NUP214: variants seen among roughly 807,000 people sequenced by gnomAD.
NUP214 encodes nuclear pore complex protein Nup214.
NUP214 carries 79 observed loss-of-function variants against 196.2 expected under a neutral mutation model. The observed-to-expected ratio is 0.40, with a 90% CI of 0.34 to 0.49. The LOEUF is 0.49. Ranked by LOEUF, NUP214 falls within the 20% of genes least tolerant of loss-of-function variation. The pLI is 0.58. For missense variants in NUP214, 2,468 were observed against 2,539.0 expected, an observed-to-expected ratio of 0.97 and a Z score of 0.60; for synonymous variants, 1,020 against 990.5, an observed-to-expected ratio of 1.03 and a Z score of -0.56.
At chr9:131,130,724 TC>T (rs774212317) in intron 4 of NUP214, 41 bp from the exon 5 acceptor site, 3 of 1,563,582 alleles carry the variant, frequency 1.9e-6, no homozygotes, top group Non-Finnish European at 2.6e-6. Context: ...ATTGGTTTGC[TC>T]CATTTTCTTG....
chr9:131,159,423 A>G lies in NUP214; in HGVS notation c.2477A>G (p.Gln826Arg), dbSNP rs1334913985. 2 of 1,614,172 alleles carry G rather than the reference A, an allele frequency of 1.2e-6. No homozygotes were observed. The highest frequency in any genetic ancestry group is 8.5e-7 in the Non-Finnish European group (1 of 1,180,028). The change falls in exon 18 of 36, where the codon CAA (glutamine) becomes CGA (arginine). Residue 826 changes from glutamine (Q) to arginine (R), a missense_variant. This residue lies in a region of NUP214 where 1,801 missense variants were observed against 1,779.4 expected (regional missense o/e 1.01). Transcript: ENST00000359428. ...RLHQYVKFAV[Q>R]DVNDVLDLEW... ...CATCAGTATGTGAAATTTGCTGTCC[A>G]AGATGTGAATGATGTTCTAGACTTG...
At position 131,162,931 on chromosome 9, in the gene NUP214, C is replaced by A. The variant is rs1354708628; in HGVS notation, c.2541-60C>A. On this transcript the variant is annotated intron_variant, in intron 18 of 35. Transcript: ENST00000359428. ...CATTGTAGTCTTGTTTGTTTTTTTA[C>A]TGGGAGATTCCTTTACTTGAACCAT... 4.6e-6 allele frequency: 7 copies of A among 1,535,102 alleles called. No individual in the cohort carries two copies. The South Asian group carries it at 8.0e-5, about 18-fold the overall frequency.
intron 4 of NUP214, 84 bp downstream of exon 4, chr9:131,129,561 CT>C: frequency 7.4e-7 from 1 of 1,360,370 alleles, no homozygotes; most frequent in Non-Finnish European, 1.0e-6. Flanking sequence ...AAGTGGATAG[CT>C]TTTTGTGTTT....
rs746491861 is a variant in NUP214 at position 131,198,782 on chromosome 9, C to T, written c.5288C>T (p.Thr1763Ile). Residue 1763 changes from threonine to isoleucine, a missense_variant, in exon 29 of 36, where the codon ACT becomes ATT. This residue lies in a region of NUP214 where 1,801 missense variants were observed against 1,779.4 expected (regional missense o/e 1.01). Transcript: ENST00000359428. ...GCCTTCGGTCAGCCTGCTTCCTCCACTCCCACATCCACCAGTGGAAGTGTC... is the reference window on the plus strand; with the variant it reads ...GCCTTCGGTCAGCCTGCTTCCTCCATTCCCACATCCACCAGTGGAAGTGTC... ...VPAFGQPASS[T>I]PTSTSGSVFG... The T allele has an allele frequency of 6.2e-7, 1 of 1,614,254 alleles. No homozygotes were observed. The highest frequency in any genetic ancestry group is 8.5e-7 in the Non-Finnish European group (1 of 1,180,040).
At chr9:131,139,255 C>CTTTTTTTTTTTTTTTTTTTTTTTTTT (rs200377608) in intron 9 of NUP214, 26 bp from the exon 10 acceptor site, 3 of 1,093,094 alleles carry the variant, frequency 2.7e-6, no homozygotes, top group African/African-American at 2.1e-5. Context: ...TCTTCTTCTT[C>CTTTTTTTTTTTTTTTTTTTTTTTTTT]TTTTTTTTTT....
At chr9:131,172,800 A>G (rs1832996518) in intron 21 of NUP214, among the ~76,000 whole-genome samples, 1 of 152,240 alleles carries the variant, frequency 6.6e-6, no homozygotes, top group African/African-American at 2.4e-5. Context: ...CATTATGACA[A>G]TAAAATCTTG....
chr9:131,219,256 T>A (rs947939314), intron 31 of NUP214, among the ~76,000 whole-genome samples: 4 of 152,238 alleles, frequency 2.6e-5, no homozygotes, highest in Non-Finnish European at 5.9e-5. Flanking sequence ...AGCTACTAAG[T>A]GGCGTAGCCA....
At chr9:131,219,491 A>G (rs1267942762) in intron 31 of NUP214, among the ~76,000 whole-genome samples, 1 of 152,216 alleles carries the variant, frequency 6.6e-6, no homozygotes, top group African/African-American at 2.4e-5. Context: ...GCAAAAGACA[A>G]GCTGAGAACA....
chr9:131,151,737 C>T lies in NUP214; in HGVS notation c.2279C>T (p.Ser760Leu), dbSNP rs777167878. The T allele has an allele frequency of 4.4e-6, 7 of 1,595,984 alleles. No homozygotes were observed. Among genetic ancestry groups the T allele is most frequent in the Admixed American group, 1.8e-5 (1 of 54,696 alleles). ...FLLEIKETTE[S>L]LHGDISSLKT... ...AACACATTATTGTACTTTTTCTAGT[C>T]GCTTCATGGAGATATAAGTAGCCTG... The change falls in exon 17 of 36, where the codon TCG becomes TTG. Residue 760 changes from serine to leucine, a missense_variant and splice_region_variant. Physicochemically the swap from Ser to Leu is moderately radical, Grantham distance 145. Coordinates refer to ENST00000359428, the MANE Select transcript of NUP214 (RefSeq NM_005085.4).
intron 24 of NUP214, 121 bp from the exon 25 acceptor site, chr9:131,187,168 C>A: frequency 1.3e-6 from 1 of 741,838 alleles, no homozygotes; most frequent in Non-Finnish European, 2.3e-6. Context: ...ATTGGGGTCC[C>A]ATGCATCTGT....
intron 19 of NUP214, 37 bp downstream of exon 19, chr9:131,163,210 A>AT (rs781036384): frequency 1.3e-6 from 2 of 1,565,084 alleles, no homozygotes; most frequent in South Asian, 2.4e-5. Flanking sequence ...ATATGGGTGA[A>AT]TGAATGCATG....
chr9:131,199,933 GAC>G lies in NUP214; in HGVS notation c.5521+920_5521+921del, dbSNP rs75588422. 9.2e-3 allele frequency among the ~76,000 whole-genome samples: 1,408 copies of G among 152,290 alleles called. 51 individuals are homozygous for G. The East Asian group carries it at 0.11, about 12-fold the overall frequency. ...AGCTATAAGGACACGGTGTTGAAAA[GAC>G]AGATATGGTTTTGAGACCTACCCAA... is the stretch of plus-strand genomic sequence containing the variant. On this transcript the variant is annotated intron_variant, in intron 29 of 35. Transcript: ENST00000359428.
intron 9 of NUP214, among the ~76,000 whole-genome samples, chr9:131,137,552 CTTT>C (rs11338707): frequency 3.4e-5 from 3 of 88,708 alleles, no homozygotes; most frequent in African/African-American, 1.4e-4. Context: ...CTGGTGGTAT[CTTT>C]TTTTTTTTTT....
At position 131,234,235 on chromosome 9, in the gene NUP214, G is replaced by A; in HGVS notation, c.*748G>A. ...AGACAGCCTTTATATTCTGTATGTG[G>A]CAGTGACATTGGTAGCCACACCTAC... is the stretch of plus-strand genomic sequence containing the variant. On this transcript the variant is annotated 3_prime_UTR_variant, in exon 36 of 36. Coordinates refer to ENST00000359428, the MANE Select transcript of NUP214 (RefSeq NM_005085.4). 1 of 232,764 alleles carries A rather than the reference G, an allele frequency of 4.3e-6. No homozygotes were observed. The highest frequency in any genetic ancestry group is 5.6e-5 in the Admixed American group (1 of 17,774). The allele number at this position is 232,764 out of a possible 1,614,324, so 14.4% of individuals were successfully genotyped here.
chr9:131,151,004 A>G (rs1832242901), intron 16 of NUP214, among the ~76,000 whole-genome samples: 1 of 152,158 alleles, frequency 6.6e-6, no homozygotes, highest in African/African-American at 2.4e-5. Context: ...TCTCATCATA[A>G]GATGGACTAA....
Position 131,159,477 on chromosome 9 carries a change from A to G in NUP214, c.2531A>G (p.Lys844Arg). ...LEWDQHLEQK[K>R]KQRHLLVPER... ...TGGGATCAGCATCTGGAACAAAAGAAAAAACAAAGGTGAATGAGATCTCTC... is the reference window on the plus strand; with the variant it reads ...TGGGATCAGCATCTGGAACAAAAGAGAAAACAAAGGTGAATGAGATCTCTC... The change falls in exon 18 of 36, where the codon AAA (lysine) becomes AGA (arginine). Residue 844 changes from lysine (K) to arginine (R), a missense_variant. Transcript: ENST00000359428. The G allele has an allele frequency of 6.2e-7, 1 of 1,611,524 alleles. No individual in the cohort carries two copies.
chr9:131,171,756 A>G (rs1280097075), intron 21 of NUP214, among the ~76,000 whole-genome samples: 5 of 151,438 alleles, frequency 3.3e-5, no homozygotes, highest in Non-Finnish European at 5.9e-5. Flanking sequence ...TCCTGTGTCC[A>G]TGTGTTCTCA....
chr9:131,197,539 A>G lies in NUP214; in HGVS notation c.4045A>G (p.Thr1349Ala), dbSNP rs370676257. Residue 1349 changes from threonine to alanine, a missense_variant, in exon 29 of 36, where the codon ACC becomes GCC. Thr to Ala is a moderately conservative substitution (Grantham distance 58). This residue lies in a region of NUP214 where 1,801 missense variants were observed against 1,779.4 expected (regional missense o/e 1.01). Transcript: ENST00000359428. ...VGQADDSTKP[T>A]NKASSTSLTS... ...CCAAGCAGATGATTCTACAAAACCA[A>G]CCAATAAGGCTTCATCCACAAGCCT... 3 of 1,614,112 alleles carry G rather than the reference A, an allele frequency of 1.9e-6. No homozygotes were observed. Among genetic ancestry groups the G allele is most frequent in the South Asian group, 2.2e-5 (2 of 91,074 alleles).
chr9:131,218,670 T>C (rs1247526247), intron 31 of NUP214, among the ~76,000 whole-genome samples: 1 of 152,158 alleles, frequency 6.6e-6, no homozygotes, highest in Admixed American at 6.6e-5. Flanking sequence ...TCTTCCATTG[T>C]GGTCTGAAAA....
Sources: gnomAD v4.1 joint callset for allele counts (sites outside exome capture counted in the v4.1 genomes callset) on GRCh38, gnomAD v4.1.1 for gene constraint, gnomAD v4.1.1 regional missense constraint, MANE v1.5 for transcripts, NCBI Gene and HGNC (gene_info 2026-07-23, HGNC 2026-07-21) for gene names.